The following RUFY2 variants were observed in gnomAD, a reference collection of about 807,000 sequenced individuals.
RUFY2 encodes the protein RUN and FYVE domain-containing protein 2.
RUFY2 carries 49 observed loss-of-function variants against 94.4 expected under a neutral mutation model. That is an observed-to-expected ratio of 0.52 (90% CI 0.41 to 0.66). RUFY2 has a LOEUF of 0.66. Ranked by LOEUF, RUFY2 falls within the 30% of genes least tolerant of loss-of-function variation. The pLI, the probability that RUFY2 is intolerant of heterozygous loss-of-function variation, is 0.00. For missense variants in RUFY2, 541 were observed against 692.8 expected (o/e 0.78, Z 2.46); for synonymous variants, 255 against 235.7 (o/e 1.08, Z -0.75).
intron 16 of RUFY2, among the ~76,000 whole-genome samples, chr10:68,354,720 C>A (rs1324445090): frequency 6.6e-6 from 1 of 152,126 alleles, no homozygotes; most frequent in African/African-American, 2.4e-5. Context: ...ACATGACTTG[C>A]TGAAAGTAAA....
chr10:68,393,556 T>A (rs2050158059), intron 6 of RUFY2, among the ~76,000 whole-genome samples: 1 of 152,000 alleles, frequency 6.6e-6, no homozygotes, highest in Admixed American at 6.6e-5. Context: ...GGTGAAACCC[T>A]GTCTCTACTA....
At chr10:68,376,288 G>A (rs1347202239) in intron 13 of RUFY2, among the ~76,000 whole-genome samples, 2 of 148,378 alleles carry the variant, frequency 1.3e-5, no homozygotes, top group Admixed American at 6.8e-5. Context: ...TTAGCCAGGC[G>A]TGGTGGCAGG....
At chr10:68,399,543 C>T (rs1169202073) in intron 3 of RUFY2, among the ~76,000 whole-genome samples, 1 of 152,210 alleles carries the variant, frequency 6.6e-6, no homozygotes, top group Non-Finnish European at 1.5e-5. Flanking sequence ...ACAGTAGCCA[C>T]TTACTTTTAT....
chr10:68,404,525 A>G (rs747726587), intron 2 of RUFY2, 146 bp downstream of exon 2: 3 of 452,038 alleles, frequency 6.6e-6, no homozygotes, highest in Admixed American at 4.3e-5. Context: ...AAACATAGTC[A>G]TAAGATATTT....
chr10:68,357,193 C>T (rs1018224757), intron 15 of RUFY2, among the ~76,000 whole-genome samples: 2 of 151,450 alleles, frequency 1.3e-5, no homozygotes, highest in Non-Finnish European at 2.9e-5. Context: ...AAAGAAAATA[C>T]ATATGTTGGG....
chr10:68,345,857 G>C lies in RUFY2; in HGVS notation c.1732C>G (p.Leu578Val). The C allele has an allele frequency of 6.2e-7, 1 of 1,614,132 alleles. No individual in the cohort carries two copies. The highest frequency in any genetic ancestry group is 8.5e-7 in the Non-Finnish European group (1 of 1,179,996). Residue 578 changes from leucine to valine, a missense_variant, in exon 18 of 18, where the codon CTA becomes GTA. Around this residue, in one of 3 missense-constraint regions of RUFY2, gnomAD observed 403 missense variants for 480.7 expected, o/e 0.84. Coordinates refer to ENST00000602465, the MANE Select transcript of RUFY2 (RefSeq NM_001330103.2). ...GGTTTTGGTGAAGAAGGCAAAGGTA[G>C]TTCGTTGTCAGAGCAGGCATTACAG... ...IFCNACSDNE[L>V]PLPSSPKPVR...
chr10:68,401,881 G>A, intron 2 of RUFY2, 144 bp from the exon 3 acceptor site: 1 of 576,464 alleles, frequency 1.7e-6, no homozygotes. Flanking sequence ...TATCCCAGTG[G>A]ATCTGGAGCC....
intron 11 of RUFY2, 51 bp downstream of exon 11, chr10:68,381,181 C>T (rs1426642427): frequency 1.4e-6 from 2 of 1,465,938 alleles, no homozygotes; most frequent in Non-Finnish European, 1.8e-6. Context: ...AACCTTTCTA[C>T]AAATATTCAC....
At chr10:68,373,543 A>G (rs2048415648) in intron 13 of RUFY2, among the ~76,000 whole-genome samples, 1 of 152,084 alleles carries the variant, frequency 6.6e-6, no homozygotes, top group Non-Finnish European at 1.5e-5. Flanking sequence ...GAGGCAGAGG[A>G]ATCACTTGAG....
chr10:68,362,651 A>G (rs2047535546), intron 15 of RUFY2, among the ~76,000 whole-genome samples: 1 of 152,048 alleles, frequency 6.6e-6, no homozygotes, highest in South Asian at 2.1e-4. Context: ...TTAGTAGGGC[A>G]TGATGGTGCC....
At chr10:68,396,053 CA>C (rs1214146689) in intron 4 of RUFY2, among the ~76,000 whole-genome samples, 1 of 152,210 alleles carries the variant, frequency 6.6e-6, no homozygotes, top group Middle Eastern at 3.2e-3. Flanking sequence ...GGCTGGAGTG[CA>C]GTGGCGCGAT....
rs762851212 is a variant in RUFY2, at chr10:68,363,704, A to G, written c.1456-20T>C. On this transcript the variant is annotated intron_variant, in intron 14 of 17. Transcript: ENST00000602465. Reference sequence around the variant, plus strand: ...GAACTCCTTCAGAACAATAAAAGACAGAAAATGAAATTTAAAAGAAAGAAA... The same window carrying G: ...GAACTCCTTCAGAACAATAAAAGACGGAAAATGAAATTTAAAAGAAAGAAA... 2 of 1,446,558 alleles carry G rather than the reference A, an allele frequency of 1.4e-6. No homozygotes were observed. Among genetic ancestry groups the G allele is most frequent in the Admixed American group, 4.6e-5 (2 of 43,352 alleles). 89.6% of individuals were successfully genotyped at this position (1,446,558 alleles called of 1,614,324 possible).
chr10:68,392,596 C>G (rs2050083066), intron 7 of RUFY2, among the ~76,000 whole-genome samples: 1 of 151,940 alleles, frequency 6.6e-6, no homozygotes, highest in African/African-American at 2.4e-5. Flanking sequence ...GTTTTAAGTT[C>G]TATTTAAATC....
intron 16 of RUFY2, among the ~76,000 whole-genome samples, chr10:68,346,882 A>G (rs1195904115): frequency 6.6e-6 from 1 of 152,212 alleles, no homozygotes; most frequent in Non-Finnish European, 1.5e-5. Flanking sequence ...TCATTATTTT[A>G]TAAGACCTCT....
chr10:68,382,079 C>T (rs556921596), intron 10 of RUFY2, among the ~76,000 whole-genome samples: 6 of 148,504 alleles, frequency 4.0e-5, no homozygotes, highest in Middle Eastern at 3.5e-3. Flanking sequence ...GACGGAGTCT[C>T]GCTCTGTTGC....
In RUFY2 at chr10:68,382,543, T is replaced by C. The variant is rs528730319; in HGVS notation, c.940-1144A>G. Among the ~76,000 whole-genome samples, 389 of 150,816 alleles carry C rather than the reference T, an allele frequency of 2.6e-3. 2 individuals are homozygous for C. Among genetic ancestry groups the C allele is most frequent in the African/African-American group, 8.8e-3 (362 of 41,264 alleles). On this transcript the variant is annotated intron_variant, in intron 10 of 17. Transcript: ENST00000602465. ...TCCTGGCTAACATGGTGAAACTCCGTCTCTACTAAAAATACAAAAAATTAG... is the reference window on the plus strand; with the variant it reads ...TCCTGGCTAACATGGTGAAACTCCGCCTCTACTAAAAATACAAAAAATTAG...
rs1477584356 is a variant in RUFY2 at position 68,346,066 on chromosome 10, C to T, written c.1618G>A (p.Asp540Asn). Reference protein sequence around the residue: ...KALQGLVWLKDKEATHCKLCE... With the variant: ...KALQGLVWLKNKEATHCKLCE... ...AGTTTACAATGTGTTGCTTCTTTGT[C>T]TTTCAGCCAAACCAGTCCCTAGTAG... The change falls in exon 17 of 18, where the codon GAC (aspartate) becomes AAC (asparagine). Residue 540 changes from aspartate to asparagine, a missense_variant. Transcript: ENST00000602465. 1.2e-6 allele frequency: 2 copies of T among 1,613,248 alleles called. No individual in the cohort carries two copies. The highest frequency in any genetic ancestry group is 1.7e-6 in the Non-Finnish European group (2 of 1,179,700).
intron 12 of RUFY2, chr10:68,378,699 G>A: frequency 6.4e-7 from 1 of 1,556,230 alleles, no homozygotes. Context: ...AGAAATCAAA[G>A]ACAGAAAAAG....
Position 68,366,739 on chromosome 10 carries a change from A to AATAT in RUFY2, c.1326-2630_1326-2627dup, listed in dbSNP as rs35377318. Among the ~76,000 whole-genome samples, 1,085 of 117,842 alleles carry AATAT rather than the reference A, an allele frequency of 9.2e-3. 20 individuals carry two copies. Among genetic ancestry groups the AATAT allele is most frequent in the African/African-American group, 0.03 (1,022 of 33,756 alleles). The allele number at this position is 117,842 out of a possible 152,430, so 77.3% of individuals were successfully genotyped here. A position where few individuals can be genotyped will look rare whatever the true frequency, so the allele number is the denominator to read the frequency against. On this transcript the variant is annotated intron_variant, in intron 13 of 17. Coordinates refer to ENST00000602465, the MANE Select transcript of RUFY2 (RefSeq NM_001330103.2). ...CCTGGGCAACAGAGTGAGACTCTAA[A>AATAT]ATATATATATATATATATATAATAT...
Sources: allele counts gnomAD v4.1 joint callset (sites outside exome capture counted in the v4.1 genomes callset), GRCh38; gene constraint gnomAD v4.1.1; regional missense constraint gnomAD v4.1.1; transcripts MANE v1.5; gene names NCBI Gene and HGNC (gene_info 2026-07-23, HGNC 2026-07-21).